The following PRKCA variants were observed in gnomAD, a reference collection of about 807,000 sequenced individuals.
PRKCA encodes protein kinase C alpha type.
Under a neutral mutation model 87.0 loss-of-function variants are expected in PRKCA, and 27 were observed. The ratio of observed to expected loss-of-function variants is 0.31; its 90% confidence interval spans 0.23 to 0.43. The LOEUF is 0.43. Among genes scored for constraint, PRKCA ranks in the 20% least tolerant of loss-of-function variants. The pLI is 1.00. For synonymous variants in PRKCA, 329 were observed against 311.1 expected, an observed-to-expected ratio of 1.06 and a Z score of -0.61; for missense variants, 518 against 852.3, an observed-to-expected ratio of 0.61 and a Z score of 4.88.
intron 2 of PRKCA, among the ~76,000 whole-genome samples, chr17:66,324,447 CA>C (rs61047065): frequency 0.034 from 3,111 of 90,640 alleles, 92 homozygotes; most frequent in African/African-American, 0.12. Flanking sequence ...ACTAAAAATA[CA>C]AAAAAAAAAA....
At chr17:66,693,495 C>T (rs1429042022) in intron 8 of PRKCA, among the ~76,000 whole-genome samples, 1 of 152,184 alleles carries the variant, frequency 6.6e-6, no homozygotes, top group African/African-American at 2.4e-5. Context: ...TATTTGGGAA[C>T]AAAGCAGGGA....
chr17:66,629,009 A>G lies in PRKCA; in HGVS notation c.289-12346A>G, dbSNP rs1029587775. Among the ~76,000 whole-genome samples the G allele has an allele frequency of 1.1e-4, 16 of 152,362 alleles. No homozygotes were observed. In the South Asian group the frequency reaches 1.4e-3, roughly 14 times the overall value. On this transcript the variant is annotated intron_variant, in intron 3 of 16. Coordinates refer to ENST00000413366, the MANE Select transcript of PRKCA (RefSeq NM_002737.3). ...GTGCCATTGCACTCCAGCCTGGGCA[A>G]CAAGAGTGAAACTCCGTCTCAAAAA...
At chr17:66,393,633 TGTGTGCAC>T (rs1910492450) in intron 2 of PRKCA, among the ~76,000 whole-genome samples, 1 of 119,564 alleles carries the variant, frequency 8.4e-6, no homozygotes, top group East Asian at 2.3e-4. Flanking sequence ...TTCTTCCATG[TGTGTGCAC>T]GTGTGTGTGT....
chr17:66,388,846 T>C (rs1910210248), intron 2 of PRKCA, among the ~76,000 whole-genome samples: 1 of 152,092 alleles, frequency 6.6e-6, no homozygotes, highest in Non-Finnish European at 1.5e-5. Context: ...CCAGAAGTCA[T>C]TGGTCCGCAG....
At chr17:66,486,342 TAAAAG>T (rs919781900) in intron 2 of PRKCA, among the ~76,000 whole-genome samples, 20 of 152,196 alleles carry the variant, frequency 1.3e-4, no homozygotes, top group African/African-American at 4.6e-4. Flanking sequence ...GTTGAAATAA[TAAAAG>T]AAGGAGACTG....
intron 13 of PRKCA, among the ~76,000 whole-genome samples, chr17:66,749,697 C>T (rs1294902719): frequency 6.6e-6 from 1 of 152,194 alleles, no homozygotes; most frequent in Non-Finnish European, 1.5e-5. Context: ...GCATGGGTGC[C>T]TGCACGCTGC....
At chr17:66,718,418 T>C (rs1973530364) in intron 8 of PRKCA, among the ~76,000 whole-genome samples, 1 of 152,286 alleles carries the variant, frequency 6.6e-6, no homozygotes, top group South Asian at 2.1e-4. Flanking sequence ...GCTCAAGCAA[T>C]CCTCCTGCTT....
intron 2 of PRKCA, among the ~76,000 whole-genome samples, chr17:66,337,676 G>A (rs1906787812): frequency 6.6e-6 from 1 of 152,132 alleles, no homozygotes; most frequent in Non-Finnish European, 1.5e-5. Flanking sequence ...ATGAGCCACT[G>A]TACCCAGCAT....
chr17:66,465,812 C>T (rs954145871), intron 2 of PRKCA, among the ~76,000 whole-genome samples: 5 of 152,184 alleles, frequency 3.3e-5, no homozygotes, highest in Non-Finnish European at 7.3e-5. Flanking sequence ...CCTCTTTCCA[C>T]CCAAGCAAGG....
In PRKCA at chr17:66,528,584, T is replaced by C. The variant is rs137876913; in HGVS notation, c.288+32301T>C. On this transcript the variant is annotated intron_variant, in intron 3 of 16. Transcript: ENST00000413366. ...TGAACCAAGGAATACAGGTGACCTC[T>C]TAATACTGGAAAAGGCAAGGAAGCA... Among the ~76,000 whole-genome samples, 322 of 152,204 alleles carry C rather than the reference T, an allele frequency of 2.1e-3. 1 individual carries two copies. Among genetic ancestry groups the C allele is most frequent in the African/African-American group, 7.4e-3 (307 of 41,510 alleles).
At chr17:66,335,371 G>A (rs1297194395) in intron 2 of PRKCA, among the ~76,000 whole-genome samples, 1 of 152,030 alleles carries the variant, frequency 6.6e-6, no homozygotes. Context: ...CTGGCCTCAA[G>A]CATTCCTCCC....
At position 66,641,356 on chromosome 17, in the gene PRKCA, A is replaced by AGAAGCTC. The variant is rs780188872; in HGVS notation, c.290_291insGAAGCTC (p.Asp97GlufsTer39). On this transcript the variant is annotated frameshift_variant and splice_region_variant, in exon 4 of 17. Coordinates refer to ENST00000413366, the MANE Select transcript of PRKCA (RefSeq NM_002737.3). LOFTEE classifies it high-confidence loss of function. ...GCATTGTGCTTCTTCTCCTCCCAGGACCCCAGGAGCAAGCACAAGTTCAAA... is the reference window on the plus strand; with the variant it reads ...GCATTGTGCTTCTTCTCCTCCCAGGAGAAGCTCCCCCAGGAGCAAGCACAAGTTCAAA... 6.2e-7 allele frequency: 1 copy of AGAAGCTC among 1,608,762 alleles called. No individual in the cohort carries two copies. The highest frequency in any genetic ancestry group is 1.1e-5 in the South Asian group (1 of 90,304).
At chr17:66,398,903 C>T (rs1020817553) in intron 2 of PRKCA, among the ~76,000 whole-genome samples, 10 of 152,050 alleles carry the variant, frequency 6.6e-5, no homozygotes. Context: ...CTTTAAAAAT[C>T]GAACTTCTCG....
At position 66,510,784 on chromosome 17, in the gene PRKCA, C is replaced by T. The variant is rs1041446567; in HGVS notation, c.288+14501C>T. On this transcript the variant is annotated intron_variant, in intron 3 of 16. Coordinates refer to ENST00000413366, the MANE Select transcript of PRKCA (RefSeq NM_002737.3). ...TTTTTGAGATGGGGTCTCACTCTGT[C>T]GCCCAAGCTGGAGTGCAGTGGCCCA... is the stretch of plus-strand genomic sequence containing the variant. 8.5e-5 allele frequency among the ~76,000 whole-genome samples: 13 copies of T among 152,090 alleles called. No individual in the cohort carries two copies. The East Asian group carries it at 1.4e-3, about 16-fold the overall frequency.
At chr17:66,467,869 TAAAAAAC>T (rs1426117982) in intron 2 of PRKCA, among the ~76,000 whole-genome samples, 3 of 151,638 alleles carry the variant, frequency 2.0e-5, no homozygotes, top group Non-Finnish European at 4.4e-5. Context: ...TGGTTGTACT[TAAAAAAC>T]AAAAACAAAA....
At chr17:66,366,303 G>A (rs1373449852) in intron 2 of PRKCA, among the ~76,000 whole-genome samples, 1 of 152,162 alleles carries the variant, frequency 6.6e-6, no homozygotes, top group Non-Finnish European at 1.5e-5. Flanking sequence ...GATTGCTATA[G>A]GTAGAAAGTA....
intron 2 of PRKCA, among the ~76,000 whole-genome samples, chr17:66,485,590 GAGA>G (rs1915960389): frequency 6.6e-6 from 1 of 152,170 alleles, no homozygotes; most frequent in Admixed American, 6.5e-5. Flanking sequence ...TGCCATTTGG[GAGA>G]AGATTGGGGT....
chr17:66,791,593 C>T (rs1331009850), intron 16 of PRKCA, among the ~76,000 whole-genome samples: 5 of 152,190 alleles, frequency 3.3e-5, no homozygotes, highest in Non-Finnish European at 4.4e-5. Context: ...TCCTGTAGTC[C>T]TTGCCCCGTG....
At chr17:66,674,095 G>A (rs1972262206) in intron 5 of PRKCA, among the ~76,000 whole-genome samples, 1 of 152,204 alleles carries the variant, frequency 6.6e-6, no homozygotes, top group African/African-American at 2.4e-5. Context: ...GGAATCCAAT[G>A]AGCGCAGATT....
Sources: allele counts gnomAD v4.1 joint callset (sites outside exome capture counted in the v4.1 genomes callset), GRCh38; gene constraint gnomAD v4.1.1; transcripts MANE v1.5; gene names NCBI Gene and HGNC (gene_info 2026-07-23, HGNC 2026-07-21).